The following ERAP1 variants were observed in gnomAD, a reference collection of about 807,000 sequenced individuals.
ERAP1 encodes the protein endoplasmic reticulum aminopeptidase 1, also known as adipocyte-derived leucine aminopeptidase.
In ERAP1, 86 loss-of-function variants were observed where a neutral mutation model predicts 103.7. The ratio of observed to expected loss-of-function variants is 0.83; its 90% CI spans 0.70 to 0.99. ERAP1 has a LOEUF of 0.99. Ranked by LOEUF, ERAP1 falls within the 50% of genes least tolerant of loss-of-function variation. The pLI is 0.00. For synonymous variants in ERAP1, 398 were observed against 402.4 expected, an observed-to-expected ratio of 0.99 and a Z score of 0.13; for missense variants, 1,009 against 1,128.4, an observed-to-expected ratio of 0.89 and a Z score of 1.52.
chr5:96,910,647 T>C, the ERAP1 span, among the ~76,000 whole-genome samples: 2 of 152,246 alleles, frequency 1.3e-5, no homozygotes, highest in Non-Finnish European at 2.9e-5. Flanking sequence ...CTACAGTAGA[T>C]ATAAGTGTTC....
the ERAP1 span, among the ~76,000 whole-genome samples, chr5:96,831,517 G>A: frequency 6.6e-6 from 1 of 152,298 alleles, no homozygotes; most frequent in Middle Eastern, 3.4e-3. Context: ...TTTTGGAAAA[G>A]GGAAAGAGCA....
At chr5:96,902,696 G>A in the ERAP1 span, 1 of 188,118 alleles carries the variant, frequency 5.3e-6, no homozygotes, top group Non-Finnish European at 1.1e-5. Context: ...CTTTAAAATT[G>A]ATTGCTTCTG....
the ERAP1 span, among the ~76,000 whole-genome samples, chr5:96,859,106 C>G: frequency 1.4e-5 from 2 of 139,620 alleles, no homozygotes; most frequent in Admixed American, 1.4e-4. Context: ...CACACACACA[C>G]TGAACAACAG....
chr5:96,878,820 C>T, the ERAP1 span, among the ~76,000 whole-genome samples: 12 of 151,984 alleles, frequency 7.9e-5, no homozygotes, highest in African/African-American at 2.7e-4. Flanking sequence ...CCCAGCTACT[C>T]GGGAGGCTGA....
chr5:96,879,472 C>T, the ERAP1 span: 1 of 477,906 alleles, frequency 2.1e-6, no homozygotes, highest in South Asian at 3.5e-5. Context: ...GCAGATTTTC[C>T]CTTACTCACA....
chr5:96,763,629 T>A (rs1039983770), intron 19 of ERAP1, among the ~76,000 whole-genome samples: 1 of 152,206 alleles, frequency 6.6e-6, no homozygotes, highest in Non-Finnish European at 1.5e-5. Context: ...TTTGAAGATG[T>A]CACTAAAACA....
At chr5:96,812,102 C>T (rs1294319763), upstream of ERAP1, among the ~76,000 whole-genome samples, 2 of 152,148 alleles carry the variant, frequency 1.3e-5, no homozygotes, top group South Asian at 2.1e-4. Flanking sequence ...GTTAATTAGC[C>T]GTTTTTGCTT....
intron 13 of ERAP1, chr5:96,785,358 C>A (rs1775851934): frequency 4.7e-6 from 1 of 212,956 alleles, no homozygotes. Context: ...AAATGTAATG[C>A]AAACAACTTG....
At chr5:96,824,793 A>G in the ERAP1 span, among the ~76,000 whole-genome samples, 1 of 152,248 alleles carries the variant, frequency 6.6e-6, no homozygotes, top group Non-Finnish European at 1.5e-5. Flanking sequence ...CCACAACTGT[A>G]ATCCCAGCAC....
chr5:96,832,140 T>A, the ERAP1 span, among the ~76,000 whole-genome samples: 2 of 152,160 alleles, frequency 1.3e-5, no homozygotes, highest in Non-Finnish European at 2.9e-5. Context: ...CTACCTAACA[T>A]ACCAATTTTA....
chr5:96,806,089 C>A (rs550913134), intron 1 of ERAP1: 2 of 152,262 alleles, frequency 1.3e-5, no homozygotes, highest in Admixed American at 6.5e-5. Flanking sequence ...CTAATAAATT[C>A]TCTTATTAAT....
downstream of ERAP1, chr5:96,771,687 C>T: frequency 6.2e-7 from 1 of 1,608,226 alleles, no homozygotes; most frequent in Non-Finnish European, 8.5e-7. Flanking sequence ...TAAAGAAATA[C>T]AAGTTAAGGT....
At chr5:96,915,666 T>A in the ERAP1 span, 1 of 1,451,212 alleles carries the variant, frequency 6.9e-7, no homozygotes, top group Admixed American at 2.4e-5. Flanking sequence ...TGACTTTCTA[T>A]GGTGTTTCTT....
At chr5:96,887,069 CA>C in the ERAP1 span, among the ~76,000 whole-genome samples, 1 of 105,696 alleles carries the variant, frequency 9.5e-6, no homozygotes, top group South Asian at 2.9e-4. Context: ...AGGTAATTTT[CA>C]AAGTATATAT....
intron 8 of ERAP1, among the ~76,000 whole-genome samples, chr5:96,791,629 A>G (rs1054106469): frequency 6.6e-6 from 1 of 152,216 alleles, no homozygotes; most frequent in Non-Finnish European, 1.5e-5. Flanking sequence ...TCTCCCAATC[A>G]TTAAACTGTT....
intron 18 of ERAP1, among the ~76,000 whole-genome samples, chr5:96,779,802 C>T (rs1270862145): frequency 2.0e-5 from 3 of 152,206 alleles, no homozygotes; most frequent in African/African-American, 7.2e-5. Flanking sequence ...TTTTACCAGA[C>T]AATGAGAATA....
chr5:96,852,047 C>CA, the ERAP1 span, among the ~76,000 whole-genome samples: 11 of 152,262 alleles, frequency 7.2e-5, no homozygotes, highest in South Asian at 1.7e-3. Flanking sequence ...CCCCCAACCC[C>CA]AAAAAGCGTG....
At chr5:96,793,375 A>T (rs372059653) in intron 7 of ERAP1, 25 bp downstream of exon 7, 3 of 1,490,450 alleles carry the variant, frequency 2.0e-6, no homozygotes, top group Non-Finnish European at 2.8e-6. Flanking sequence ...TTAACCTCAA[A>T]TGTGAAGGAT....
At chr5:96,859,139 C>T in the ERAP1 span, among the ~76,000 whole-genome samples, 2 of 151,408 alleles carry the variant, frequency 1.3e-5, no homozygotes, top group East Asian at 1.9e-4. Flanking sequence ...CCTTTCCATG[C>T]CCCTAAGTAA....
Sources: gnomAD v4.1 joint callset for allele counts (sites outside exome capture counted in the v4.1 genomes callset) on GRCh38, gnomAD v4.1.1 for gene constraint, MANE v1.5 for transcripts, NCBI Gene and HGNC (gene_info 2026-07-23, HGNC 2026-07-21) for gene names.